GIMAP8: variants seen among roughly 807,000 people sequenced by gnomAD.
The protein encoded by GIMAP8 is GTPase IMAP family member 8.
Under a neutral mutation model 35.6 loss-of-function variants are expected in GIMAP8, and 29 were observed. The observed-to-expected ratio is 0.81, with a 90% CI of 0.61 to 1.11. The LOEUF (loss-of-function observed/expected upper bound fraction) is 1.11, where lower values mean the gene tolerates loss of function less well. GIMAP8 is among the 50% of genes most tolerant of loss of function. The pLI is 0.00. For synonymous variants in GIMAP8, 335 were observed against 308.7 expected (o/e 1.09, Z -0.89); for missense variants, 811 against 805.0 (o/e 1.01, Z -0.09).
intron 1 of GIMAP8, among the ~76,000 whole-genome samples, chr7:150,461,641 T>G (rs773792434): frequency 6.6e-6 from 1 of 152,338 alleles, no homozygotes; most frequent in Non-Finnish European, 1.5e-5. Flanking sequence ...CAGCATATAG[T>G]TAGGTCTTGT....
rs1401195613 is a variant in GIMAP8, at chr7:150,478,999, C to G, written c.*1219C>G. The G allele has an allele frequency of 1.3e-5, 2 of 152,008 alleles. No individual in the cohort carries two copies. The highest frequency in any genetic ancestry group is 2.9e-5 in the Non-Finnish European group (2 of 67,992). The allele number at this position is 152,008 out of a possible 1,614,324, so 9.4% of individuals were successfully genotyped here. On this transcript the variant is annotated 3_prime_UTR_variant, in exon 5 of 5. Coordinates refer to ENST00000307271, the MANE Select transcript of GIMAP8 (RefSeq NM_175571.4). ...ATAATCTTTGTCATCTGTTTTTTTC[C>G]CCTAGACAATATCAGGTTACCGTCA...
intron 1 of GIMAP8, among the ~76,000 whole-genome samples, chr7:150,462,341 CT>C (rs1369592403): frequency 1.3e-5 from 2 of 152,158 alleles, no homozygotes; most frequent in African/African-American, 4.8e-5. Context: ...CTTTATTTTA[CT>C]CTTATTGTTT....
At chr7:150,458,431 G>C (rs1801776300) in intron 1 of GIMAP8, among the ~76,000 whole-genome samples, 1 of 152,152 alleles carries the variant, frequency 6.6e-6, no homozygotes, top group Admixed American at 6.5e-5. Context: ...CCACAAGTGA[G>C]GGCAATCTGC....
chr7:150,454,911 G>T (rs142353082), intron 1 of GIMAP8, among the ~76,000 whole-genome samples: 1,600 of 152,238 alleles, frequency 0.011, 24 homozygotes, highest in African/African-American at 0.037. Context: ...GGCTGAGGCG[G>T]GTGGATCACC....
intron 4 of GIMAP8, among the ~76,000 whole-genome samples, chr7:150,476,241 T>C (rs2116619588): frequency 6.6e-6 from 1 of 152,340 alleles, no homozygotes; most frequent in Middle Eastern, 3.4e-3. Context: ...GAAGTAGATA[T>C]TAGCTATTTG....
chr7:150,460,316 G>A (rs1585113261), intron 1 of GIMAP8, among the ~76,000 whole-genome samples: 1 of 152,176 alleles, frequency 6.6e-6, no homozygotes, highest in African/African-American at 2.4e-5. Flanking sequence ...ATGTCTTCAT[G>A]TTTTCTTCAT....
chr7:150,455,154 AAC>A (rs1463810590), intron 1 of GIMAP8, among the ~76,000 whole-genome samples: 4 of 140,790 alleles, frequency 2.8e-5, no homozygotes, highest in Non-Finnish European at 3.1e-5. Context: ...AAAAAAAAAA[AAC>A]CAAAAAACAA....
At chr7:150,470,746 C>CATTTTTTTT in intron 2 of GIMAP8, 83 bp from the exon 3 acceptor site, 1 of 467,276 alleles carries the variant, frequency 2.1e-6, no homozygotes, top group Non-Finnish European at 3.5e-6. Flanking sequence ...CTTCAATTTC[C>CATTTTTTTT]TTTTTTTTTT....
intron 2 of GIMAP8, among the ~76,000 whole-genome samples, chr7:150,468,518 G>T (rs1363484725): frequency 6.6e-6 from 1 of 152,128 alleles, no homozygotes; most frequent in Non-Finnish European, 1.5e-5. Flanking sequence ...ACGCATGTCC[G>T]TACTATGGAA....
chr7:150,453,602 T>G (rs1417418737), intron 1 of GIMAP8, among the ~76,000 whole-genome samples: 1 of 152,240 alleles, frequency 6.6e-6, no homozygotes, highest in Non-Finnish European at 1.5e-5. Context: ...TCTGCTGCAT[T>G]TTGCTTGTTC....
Position 150,477,625 on chromosome 7 carries a change from A to T in GIMAP8, c.1843A>T (p.Lys615Ter). The T allele has an allele frequency of 6.2e-7, 1 of 1,614,256 alleles. No individual in the cohort carries two copies. Among genetic ancestry groups the T allele is most frequent in the Non-Finnish European group, 8.5e-7 (1 of 1,180,052 alleles). ...AGGCCAGGCCCAGGAAACCCAGGTG[A>T]AAGCTCTTTTAACAAAGGTCAATGA... ...ETGQAQETQVKALLTKVNDLR... is the reference protein window; with the variant it reads ...ETGQAQETQV The change falls in exon 5 of 5, where the codon AAA becomes TAA. Residue 615 changes from lysine (K) to a stop codon, truncating the protein, a stop_gained. Coordinates refer to ENST00000307271, the MANE Select transcript of GIMAP8 (RefSeq NM_175571.4). LOFTEE classifies it low-confidence loss of function (END_TRUNC).
chr7:150,452,589 A>ATATATATGTATATATGTATG (rs1320684723), intron 1 of GIMAP8, among the ~76,000 whole-genome samples: 1 of 147,926 alleles, frequency 6.8e-6, no homozygotes, highest in East Asian at 2.0e-4. Context: ...GTATATATGT[A>ATATATATGTATATATGTATG]TATATATGTA....
chr7:150,457,331 C>T (rs1363663228), intron 1 of GIMAP8, among the ~76,000 whole-genome samples: 1 of 152,176 alleles, frequency 6.6e-6, no homozygotes, highest in Admixed American at 6.5e-5. Flanking sequence ...CAACCTCCAG[C>T]GTGTGTGTCA....
At position 150,470,886 on chromosome 7, in the gene GIMAP8, T is replaced by G. The variant is rs1447613458; in HGVS notation, c.682+12T>G. On this transcript the variant is annotated intron_variant, in intron 3 of 4. Coordinates refer to ENST00000307271, the MANE Select transcript of GIMAP8 (RefSeq NM_175571.4). ...AGACAAGCCACAGGGTAAGTTGATCTTTAAGAAACATTAAGCTCACACTTG... is the reference window on the plus strand; with the variant it reads ...AGACAAGCCACAGGGTAAGTTGATCGTTAAGAAACATTAAGCTCACACTTG... 1 of 1,571,334 alleles carries G rather than the reference T, an allele frequency of 6.4e-7. No homozygotes were observed. Among genetic ancestry groups the G allele is most frequent in the Non-Finnish European group, 8.8e-7 (1 of 1,141,250 alleles).
rs575697809 is a variant in GIMAP8 at position 150,466,882 on chromosome 7, G to T, written c.184G>T (p.Val62Leu). The T allele has an allele frequency of 6.2e-7, 1 of 1,614,234 alleles. No individual in the cohort carries two copies. Among genetic ancestry groups the T allele is most frequent in the South Asian group, 1.1e-5 (1 of 91,086 alleles). The part of the protein sequence containing the change: ...ESWVLRERKV[V>L]VIDTPDLFSS... ...TTGGGTCCTGAGAGAAAGGAAGGTT[G>T]TGGTAATTGACACCCCTGACCTTTT... The change falls in exon 2 of 5, where the codon GTG becomes TTG. Residue 62 changes from valine (V) to leucine (L), a missense_variant. Transcript: ENST00000307271.
At chr7:150,475,463 G>C (rs1802207860) in intron 4 of GIMAP8, among the ~76,000 whole-genome samples, 1 of 152,150 alleles carries the variant, frequency 6.6e-6, no homozygotes, top group Non-Finnish European at 1.5e-5. Flanking sequence ...CAACTGGATA[G>C]TGTGAGTGTC....
At position 150,474,132 on chromosome 7, in the gene GIMAP8, TG is replaced by T; in HGVS notation, c.807del (p.Arg270GlyfsTer13). ...AAAAGTGCAGCAGGAAACAGCATTC[TG>T]GGGAGGCAGGCCTTTCAGACCGGAT... Reference protein sequence around the residue: ...AGKSAAGNSILGRQAFQTGFS... With the variant: ...AGKSAAGNSIXGRQAFQTGFS... On this transcript the variant is annotated frameshift_variant, in exon 4 of 5. Transcript: ENST00000307271. LOFTEE classifies it high-confidence loss of function. 4.3e-6 allele frequency: 7 copies of T among 1,614,178 alleles called. No individual in the cohort carries two copies. Among genetic ancestry groups the T allele is most frequent in the Non-Finnish European group, 5.1e-6 (6 of 1,180,026 alleles).
intron 1 of GIMAP8, among the ~76,000 whole-genome samples, chr7:150,465,818 C>T (rs1300426431): frequency 6.6e-6 from 1 of 152,214 alleles, no homozygotes; most frequent in Non-Finnish European, 1.5e-5. Context: ...TGAAATCGTA[C>T]CACTTTGCAT....
intron 2 of GIMAP8, 59 bp from the exon 3 acceptor site, chr7:150,470,770 A>ATTTTTTTTTTT (rs1357852628): frequency 3.6e-5 from 8 of 224,042 alleles, no homozygotes; most frequent in South Asian, 6.6e-5. Flanking sequence ...TTTTTTTTTC[A>ATTTTTTTTTTT]GTTTGTGGAA....
Sources: allele counts gnomAD v4.1 joint callset (sites outside exome capture counted in the v4.1 genomes callset), GRCh38; gene constraint gnomAD v4.1.1; transcripts MANE v1.5; gene names NCBI Gene and HGNC (gene_info 2026-07-23, HGNC 2026-07-21).